Variants in TRAF3IP2 observed in about 807,000 individuals in gnomAD.
TRAF3IP2 encodes the protein TRAF3 interacting protein 2.
Under a neutral mutation model 57.9 loss-of-function variants are expected in TRAF3IP2, and 35 were observed. The ratio of observed to expected loss-of-function variants is 0.60; its 90% CI spans 0.46 to 0.80. The LOEUF (loss-of-function observed/expected upper bound fraction) is 0.80. Ranked by LOEUF, TRAF3IP2 falls within the 30% of genes least tolerant of loss-of-function variation. TRAF3IP2 has a pLI of 0.00. For synonymous variants in TRAF3IP2, 251 were observed against 268.9 expected (o/e 0.93, Z 0.65); for missense variants, 556 against 706.4 (o/e 0.79, Z 2.41).
In TRAF3IP2 at chr6:111,595,001, G is replaced by A. The variant is rs920726383; in HGVS notation, c.-8-2907C>T. ...AGTCCCAACACTTTGGAAGGCCAAGGTGGGTGGATCACCTGAGGTCAGGAG... is the reference window on the plus strand; with the variant it reads ...AGTCCCAACACTTTGGAAGGCCAAGATGGGTGGATCACCTGAGGTCAGGAG... On this transcript the variant is annotated intron_variant, in intron 1 of 8. Coordinates refer to ENST00000368761, the MANE Select transcript of TRAF3IP2 (RefSeq NM_147686.4). Among the ~76,000 whole-genome samples the A allele has an allele frequency of 6.6e-5, 10 of 152,354 alleles. No individual in the cohort carries two copies. In the East Asian group the frequency reaches 1.5e-3, roughly 24 times the overall value.
In TRAF3IP2 at chr6:111,592,098, G is replaced by A. The variant is rs777607545; in HGVS notation, c.-8-4C>T. 6.2e-7 allele frequency: 1 copy of A among 1,608,592 alleles called. No individual in the cohort carries two copies. Among genetic ancestry groups the A allele is most frequent in the Non-Finnish European group, 8.5e-7 (1 of 1,176,292 alleles). On this transcript the variant is annotated splice_region_variant and splice_polypyrimidine_tract_variant and intron_variant, in intron 1 of 8. Coordinates refer to ENST00000368761, the MANE Select transcript of TRAF3IP2 (RefSeq NM_147686.4). ...ATGCTTCGGTTCATTCTAGTTTCTG[G>A]AACAAGAGAAAACATGCTATAGCCT...
intron 1 of TRAF3IP2, among the ~76,000 whole-genome samples, chr6:111,594,702 C>T (rs967963015): frequency 6.6e-6 from 1 of 152,078 alleles, no homozygotes; most frequent in Admixed American, 6.6e-5. Flanking sequence ...TTACTTGACC[C>T]CAAGAGTTCA....
intron 5 of TRAF3IP2, among the ~76,000 whole-genome samples, chr6:111,569,701 A>G (rs573839723): frequency 2.6e-5 from 4 of 152,348 alleles, no homozygotes; most frequent in African/African-American, 9.6e-5. Context: ...GGTTGCAGTG[A>G]GCCGAGATCG....
intron 2 of TRAF3IP2, among the ~76,000 whole-genome samples, chr6:111,588,972 G>A (rs1762070008): frequency 6.6e-6 from 1 of 151,964 alleles, no homozygotes; most frequent in African/African-American, 2.4e-5. Context: ...ATTCTATTTG[G>A]GTGGCAGAAA....
intron 1 of TRAF3IP2, chr6:111,600,601 T>G (rs10872070): frequency 6.6e-6 from 1 of 152,100 alleles, no homozygotes; most frequent in African/African-American, 2.4e-5. Context: ...ATGGGCCACA[T>G]GCTGTGTCTG....
intron 6 of TRAF3IP2, chr6:111,567,102 C>CGACACG: frequency 1.1e-6 from 1 of 890,748 alleles, no homozygotes; most frequent in Non-Finnish European, 1.4e-6. Context: ...AAGAAGCAGC[C>CGACACG]GACACGGACA....
chr6:111,573,594 C>T (rs890814765), intron 4 of TRAF3IP2: 4 of 126,262 alleles, frequency 3.2e-5, no homozygotes, highest in African/African-American at 1.0e-4. Flanking sequence ...AACACTTCAG[C>T]AGCTTGAAGA....
chr6:111,566,852 T>C, intron 6 of TRAF3IP2: 2 of 417,758 alleles, frequency 4.8e-6, no homozygotes, highest in Non-Finnish European at 9.0e-6. Flanking sequence ...AATCACTGAG[T>C]GAGTCTGTGT....
chr6:111,596,092 C>T (rs1796682870), intron 1 of TRAF3IP2, among the ~76,000 whole-genome samples: 1 of 152,102 alleles, frequency 6.6e-6, no homozygotes, highest in Non-Finnish European at 1.5e-5. Context: ...AGGGAGGTCT[C>T]CCTGGTCGCA....
chr6:111,599,053 C>T (rs962854647), intron 1 of TRAF3IP2, among the ~76,000 whole-genome samples: 4 of 151,496 alleles, frequency 2.6e-5, no homozygotes, highest in Non-Finnish European at 4.4e-5. Flanking sequence ...GCATGCACCA[C>T]CACACCTGGT....
intron 1 of TRAF3IP2, chr6:111,601,508 T>C (rs1796862951): frequency 3.3e-6 from 1 of 302,524 alleles, no homozygotes; most frequent in East Asian, 5.3e-5. Context: ...GAAGGTGTTA[T>C]GTCCCCAGAA....
At chr6:111,582,874 A>G (rs80100792) in intron 2 of TRAF3IP2, among the ~76,000 whole-genome samples, 2 of 152,078 alleles carry the variant, frequency 1.3e-5, no homozygotes, top group Non-Finnish European at 2.9e-5. Context: ...GAATATCCCA[A>G]ACTTGTCCTC....
At chr6:111,586,040 T>C (rs1286996359) in intron 2 of TRAF3IP2, among the ~76,000 whole-genome samples, 1 of 152,198 alleles carries the variant, frequency 6.6e-6, no homozygotes, top group Non-Finnish European at 1.5e-5. Context: ...TAAAATCTGA[T>C]TTTCAAGTTG....
chr6:111,603,609 A>T (rs1796942331), intron 1 of TRAF3IP2, among the ~76,000 whole-genome samples: 1 of 152,192 alleles, frequency 6.6e-6, no homozygotes, highest in Non-Finnish European at 1.5e-5. Context: ...ACCCCACCAT[A>T]ATCTTTCTGA....
chr6:111,580,755 C>T (rs1038045923), intron 2 of TRAF3IP2, among the ~76,000 whole-genome samples: 5 of 152,186 alleles, frequency 3.3e-5, no homozygotes, highest in African/African-American at 7.2e-5. Flanking sequence ...TCCTTCATGT[C>T]CCGAACCCAA....
Position 111,591,781 on chromosome 6 carries a change from C to T in TRAF3IP2, c.306G>A (p.Leu102=). 1 of 1,614,232 alleles carries T rather than the reference C, an allele frequency of 6.2e-7. No individual in the cohort carries two copies. The highest frequency in any genetic ancestry group is 8.5e-7 in the Non-Finnish European group (1 of 1,180,040). ...AGCACCCAGAAGGGAAAGCTTTGCC[C>T]AGGCCTGGGTGTCTCCTGCAGAAAC... The part of the protein sequence containing the change: ...EDSFCRRHPG[L]GKAFPSGCSA... The change falls in exon 2 of 9, where the codon CTG becomes CTA. Residue 102 remains leucine, a synonymous_variant. Coordinates refer to ENST00000368761, the MANE Select transcript of TRAF3IP2 (RefSeq NM_147686.4). This position sits in a 1 kb window ranked among gnomAD's most constrained non-coding sequence, Gnocchi z 4.9.
chr6:111,562,937 T>G, intron 8 of TRAF3IP2, 28 bp downstream of exon 8: 4 of 1,544,564 alleles, frequency 2.6e-6, no homozygotes, highest in Non-Finnish European at 3.6e-6. Flanking sequence ...GATTGAATTA[T>G]GAGGATTTTG....
At chr6:111,592,706 T>G (rs1796559668) in intron 1 of TRAF3IP2, among the ~76,000 whole-genome samples, 1 of 152,228 alleles carries the variant, frequency 6.6e-6, no homozygotes, top group African/African-American at 2.4e-5. Flanking sequence ...CCTTTTAAAC[T>G]TTTATAATTT....
chr6:111,573,005 T>C, intron 4 of TRAF3IP2, 22 bp from the exon 5 acceptor site: 1 of 1,525,564 alleles, frequency 6.6e-7, no homozygotes, highest in African/African-American at 1.4e-5. Flanking sequence ...TTTTTACATT[T>C]ATTAGAAACT....
Sources: gnomAD v4.1 joint callset for allele counts (sites outside exome capture counted in the v4.1 genomes callset) on GRCh38, gnomAD v4.1.1 for gene constraint, Gnocchi (gnomAD v3.1) non-coding constraint, MANE v1.5 for transcripts, NCBI Gene and HGNC (gene_info 2026-07-23, HGNC 2026-07-21) for gene names.